IGBP1C: variants seen among roughly 807,000 people sequenced by gnomAD.
The protein encoded by IGBP1C is immunoglobulin-binding protein 1 family member C.
At chr17:58,676,537 G>A in the IGBP1C span, among the ~76,000 whole-genome samples, 1 of 152,124 alleles carries the variant, frequency 6.6e-6, no homozygotes, top group East Asian at 1.9e-4. Context: ...TCCAGACTGA[G>A]CAATAAGAGT....
At chr17:58,666,408 T>C in the IGBP1C span, 1 of 127,788 alleles carries the variant, frequency 7.8e-6, no homozygotes, top group Non-Finnish European at 1.5e-5. Flanking sequence ...TGAATTCGGA[T>C]GCCACTGCAC....
chr17:58,677,469 T>C, the IGBP1C span: 1 of 152,158 alleles, frequency 6.6e-6, no homozygotes, highest in Non-Finnish European at 1.5e-5. Flanking sequence ...AGCTTCTCAC[T>C]TCCATGGAAA....
the IGBP1C span, among the ~76,000 whole-genome samples, chr17:58,671,658 T>C: frequency 6.6e-6 from 1 of 152,202 alleles, no homozygotes; most frequent in Non-Finnish European, 1.5e-5. Context: ...GGTCCATCCC[T>C]GCCTTTCCTT....
chr17:58,672,185 A>C, the IGBP1C span, among the ~76,000 whole-genome samples: 98,139 of 151,882 alleles, frequency 0.65, 32,431 homozygotes, highest in African/African-American at 0.78. Flanking sequence ...TAACAGGAGG[A>C]GGTGCTCAGG....
At chr17:58,687,586 G>A in the IGBP1C span, among the ~76,000 whole-genome samples, 1 of 151,852 alleles carries the variant, frequency 6.6e-6, no homozygotes, top group Admixed American at 6.6e-5. Context: ...ACCCACCTAA[G>A]CCTCCCAAAA....
At chr17:58,673,306 A>G in the IGBP1C span, among the ~76,000 whole-genome samples, 1 of 151,496 alleles carries the variant, frequency 6.6e-6, no homozygotes, top group South Asian at 2.1e-4. Flanking sequence ...TGGCGAAACC[A>G]TAAAAAAAAA....
chr17:58,664,297 T>C, the IGBP1C span, among the ~76,000 whole-genome samples: 2 of 152,178 alleles, frequency 1.3e-5, no homozygotes, highest in Non-Finnish European at 2.9e-5. Flanking sequence ...GCCTCTATGA[T>C]TATTTGTGCC....
the IGBP1C span, among the ~76,000 whole-genome samples, chr17:58,667,784 C>G: frequency 2.0e-5 from 3 of 151,192 alleles, no homozygotes; most frequent in Admixed American, 2.0e-4. Context: ...ACTTGGGAGG[C>G]TGAGGCAGGA....
At chr17:58,678,748 A>T in the IGBP1C span, among the ~76,000 whole-genome samples, 18 of 151,632 alleles carry the variant, frequency 1.2e-4, 1 homozygote, top group South Asian at 3.7e-3. Context: ...GGGTGCAGCA[A>T]ACCAACATGG....
the IGBP1C span, among the ~76,000 whole-genome samples, chr17:58,684,360 G>A: frequency 6.6e-6 from 1 of 151,906 alleles, no homozygotes; most frequent in Non-Finnish European, 1.5e-5. Flanking sequence ...TATCTGGGAG[G>A]CTGATACAGG....
the IGBP1C span, among the ~76,000 whole-genome samples, chr17:58,671,510 GC>G: frequency 6.6e-6 from 1 of 152,060 alleles, no homozygotes; most frequent in Non-Finnish European, 1.5e-5. Flanking sequence ...TGGGGTCGCA[GC>G]TTTATAGAAT....
the IGBP1C span, chr17:58,661,372 G>T: frequency 1.1e-6 from 1 of 923,696 alleles, no homozygotes; most frequent in Non-Finnish European, 1.8e-6. Flanking sequence ...ACTTCAGGTC[G>T]GTGGAAGTAA....
the IGBP1C span, among the ~76,000 whole-genome samples, chr17:58,671,709 T>C: frequency 6.6e-6 from 1 of 152,220 alleles, no homozygotes; most frequent in Non-Finnish European, 1.5e-5. Flanking sequence ...TGGATTTCTC[T>C]TTTTGCTAGA....
the IGBP1C span, among the ~76,000 whole-genome samples, chr17:58,690,255 C>G: frequency 6.6e-6 from 1 of 151,994 alleles, no homozygotes; most frequent in African/African-American, 2.4e-5. Context: ...CAACCTCAAC[C>G]TCCCGGGCTC....
the IGBP1C span, among the ~76,000 whole-genome samples, chr17:58,683,377 C>G: frequency 0.23 from 34,477 of 149,142 alleles, 5,091 homozygotes; most frequent in Middle Eastern, 0.44. Flanking sequence ...CATCCCCCCC[C>G]CCAAAAAAAA....
the IGBP1C span, among the ~76,000 whole-genome samples, chr17:58,680,199 A>C: frequency 6.6e-6 from 1 of 152,106 alleles, no homozygotes; most frequent in Non-Finnish European, 1.5e-5. Context: ...CAGCTGCAAA[A>C]ACAGGCGCGC....
the IGBP1C span, among the ~76,000 whole-genome samples, chr17:58,683,022 C>T: frequency 6.9e-6 from 1 of 145,212 alleles, no homozygotes; most frequent in Non-Finnish European, 1.5e-5. Context: ...CATTGCACTC[C>T]AGCCTGGGCG....
chr17:58,663,418 G>A, the IGBP1C span, among the ~76,000 whole-genome samples: 5 of 123,700 alleles, frequency 4.0e-5, no homozygotes, highest in Non-Finnish European at 8.3e-5. Context: ...GCAAAACTCC[G>A]TCTCAAAAAA....
the IGBP1C span, among the ~76,000 whole-genome samples, chr17:58,681,930 C>G: frequency 6.6e-6 from 1 of 152,134 alleles, no homozygotes; most frequent in East Asian, 1.9e-4. Context: ...GTGAACTATA[C>G]TGCCATTACC....
Sources: gnomAD v4.1 joint callset for allele counts (sites outside exome capture counted in the v4.1 genomes callset) on GRCh38, gnomAD v4.1.1 for gene constraint, MANE v1.5 for transcripts, NCBI Gene and HGNC (gene_info 2026-07-23, HGNC 2026-07-21) for gene names.